CELF4: variants seen among roughly 807,000 people sequenced by gnomAD.
CELF4 encodes CUGBP Elav-like family member 4.
CELF4 carries 18 observed loss-of-function variants against 59.9 expected under a neutral mutation model. The ratio of observed to expected loss-of-function variants is 0.30; its 90% confidence interval spans 0.21 to 0.45. The LOEUF (loss-of-function observed/expected upper bound fraction) is 0.45, where lower values mean the gene tolerates loss of function less well. Ranked by LOEUF, CELF4 falls within the 20% of genes least tolerant of loss-of-function variation. The pLI, the probability that CELF4 is intolerant of heterozygous loss-of-function variation, is 1.00. For missense variants in CELF4, 456 were observed against 689.0 expected (o/e 0.66, Z 3.79); for synonymous variants, 261 against 267.1 (o/e 0.98, Z 0.22).
rs564545629 is a variant in CELF4 at position 37,290,379 on chromosome 18, G to A, written c.449-15136C>T. On this transcript the variant is annotated intron_variant, in intron 3 of 12. Transcript: ENST00000420428. Reference sequence around the variant, plus strand: ...TAAAAATACAAATCCATTTAAAAGCGTTGCTGAATTCAAGGTGGAGTTTTG... The same window carrying A: ...TAAAAATACAAATCCATTTAAAAGCATTGCTGAATTCAAGGTGGAGTTTTG... 3.7e-4 allele frequency among the ~76,000 whole-genome samples: 57 copies of A among 152,300 alleles called. 1 individual carries two copies. The South Asian group carries it at 5.8e-3, about 15-fold the overall frequency.
intron 1 of CELF4, among the ~76,000 whole-genome samples, chr18:37,545,937 GGACACT>G (rs1364956139): frequency 7.2e-5 from 11 of 152,154 alleles, no homozygotes; most frequent in Non-Finnish European, 1.2e-4. Context: ...GGTCTCTGGA[GGACACT>G]GTCTGACTTA....
In CELF4 at chr18:37,270,264, C is replaced by T. The variant is rs548950358; in HGVS notation, c.1099+504G>A. 5.9e-5 allele frequency among the ~76,000 whole-genome samples: 9 copies of T among 152,262 alleles called. 1 individual carries two copies. Among genetic ancestry groups the T allele is most frequent in the Non-Finnish European group, 1.0e-4 (7 of 68,046 alleles). ...TGACCTGTCCATGGTGCTGATCACG[C>T]TTTGCGTGCACCATGATCGCGCTTT... On this transcript the variant is annotated intron_variant, in intron 8 of 12. Transcript: ENST00000420428.
In CELF4 at chr18:37,246,295, AAAT is replaced by A. The variant is rs1480302586; in HGVS notation, c.*45-1101_*45-1099del. ...GTCTAAACAATTACAACACCAAATA[AAAT>A]AATAATAAAATTAAAAAACACTTGT... On this transcript the variant is annotated intron_variant, in intron 12 of 12. Transcript: ENST00000420428. The surrounding 1 kb of genome is among the most constrained non-coding windows in gnomAD (Gnocchi z 5.3). Among the ~76,000 whole-genome samples, 1 of 152,174 alleles carries A rather than the reference AAAT, an allele frequency of 6.6e-6. No homozygotes were observed. The highest frequency in any genetic ancestry group is 1.5e-5 in the Non-Finnish European group (1 of 68,004).
chr18:37,399,859 T>C (rs1329183983), intron 2 of CELF4, among the ~76,000 whole-genome samples: 1 of 152,188 alleles, frequency 6.6e-6, no homozygotes, highest in Non-Finnish European at 1.5e-5. Context: ...GCACATCCTT[T>C]CCAGGGTCTG....
chr18:37,495,688 A>G (rs1320696487), intron 1 of CELF4, among the ~76,000 whole-genome samples: 1 of 151,874 alleles, frequency 6.6e-6, no homozygotes, highest in African/African-American at 2.4e-5. Context: ...GGTGGGGGTC[A>G]TTTTTCACAG....
At chr18:37,274,581 G>T (rs763166975) in intron 5 of CELF4, 127 bp from the exon 6 acceptor site, 1 of 1,576,686 alleles carries the variant, frequency 6.3e-7, no homozygotes, top group African/African-American at 1.4e-5. Flanking sequence ...ATCGGCGCTC[G>T]CCCAGGGGAA....
intron 2 of CELF4, among the ~76,000 whole-genome samples, chr18:37,478,522 C>G (rs1398052391): frequency 6.6e-6 from 1 of 152,068 alleles, no homozygotes; most frequent in African/African-American, 2.4e-5. Flanking sequence ...GAGTCACTTG[C>G]TTGAAAAATG....
At chr18:37,427,043 G>A (rs998042828) in intron 2 of CELF4, among the ~76,000 whole-genome samples, 8 of 151,944 alleles carry the variant, frequency 5.3e-5, no homozygotes, top group East Asian at 1.9e-4. Flanking sequence ...GACACGGGGG[G>A]GGGGGAAGCT....
intron 2 of CELF4, among the ~76,000 whole-genome samples, chr18:37,348,287 C>T (rs533687295): frequency 1.1e-4 from 16 of 152,300 alleles, no homozygotes; most frequent in Non-Finnish European, 2.1e-4. Context: ...AGGAGCTACA[C>T]GCACACACTA....
At chr18:37,408,517 T>A (rs2099408126) in intron 2 of CELF4, among the ~76,000 whole-genome samples, 1 of 137,728 alleles carries the variant, frequency 7.3e-6, no homozygotes, top group Non-Finnish European at 1.6e-5. Flanking sequence ...TGCAGGAGGA[T>A]GTGAGAGGAG....
intron 11 of CELF4, among the ~76,000 whole-genome samples, chr18:37,256,903 C>T (rs969141160): frequency 2.0e-5 from 3 of 152,168 alleles, no homozygotes; most frequent in African/African-American, 7.2e-5. Context: ...ACTTTAAAGG[C>T]CTCTGGGATA....
At chr18:37,280,895 T>C (rs1662917) in intron 3 of CELF4, among the ~76,000 whole-genome samples, 121,578 of 152,192 alleles carry the variant, frequency 0.8, 48,996 homozygotes, top group African/African-American at 0.92. Context: ...ACTCTGAGCT[T>C]TGGTTCACAA....
At chr18:37,454,951 C>A (rs1184542571) in intron 2 of CELF4, among the ~76,000 whole-genome samples, 2 of 152,190 alleles carry the variant, frequency 1.3e-5, no homozygotes, top group Non-Finnish European at 2.9e-5. Context: ...GGGTCCCTAT[C>A]CCTAGAGTCA....
intron 2 of CELF4, among the ~76,000 whole-genome samples, chr18:37,380,781 ATT>A (rs2099029130): frequency 6.9e-6 from 1 of 145,610 alleles, no homozygotes; most frequent in African/African-American, 2.6e-5. Context: ...CCTTCTATCC[ATT>A]TCTCCATGAA....
intron 2 of CELF4, among the ~76,000 whole-genome samples, chr18:37,426,139 G>A (rs1054408579): frequency 2.0e-5 from 3 of 152,218 alleles, no homozygotes; most frequent in Admixed American, 6.5e-5. Flanking sequence ...GGTTCCAGCT[G>A]GACCTGCCCC....
rs771870803 is a variant in CELF4, at chr18:37,274,499, C to T, written c.658-45G>A. Reference sequence around the variant, plus strand: ...TGAGACCCACCTGCTCCAGAGCCTCCGCCCGCAGCTGTCGGTGCCTCTGGC... The same window carrying T: ...TGAGACCCACCTGCTCCAGAGCCTCTGCCCGCAGCTGTCGGTGCCTCTGGC... On this transcript the variant is annotated intron_variant, in intron 5 of 12. Coordinates refer to ENST00000420428, the MANE Select transcript of CELF4 (RefSeq NM_020180.4). 6 of 1,608,928 alleles carry T rather than the reference C, an allele frequency of 3.7e-6. No individual in the cohort carries two copies. The East Asian group carries it at 1.1e-4, about 30-fold the overall frequency.
intron 1 of CELF4, among the ~76,000 whole-genome samples, chr18:37,527,460 T>C (rs1332255819): frequency 6.6e-6 from 1 of 152,168 alleles, no homozygotes; most frequent in Non-Finnish European, 1.5e-5. Context: ...AATCAAGGTT[T>C]ACGTGTAGTA....
chr18:37,468,068 A>T (rs2099813084), intron 2 of CELF4, among the ~76,000 whole-genome samples: 1 of 152,222 alleles, frequency 6.6e-6, no homozygotes, highest in Non-Finnish European at 1.5e-5. Flanking sequence ...CATATTCTAC[A>T]TGGGCCTTTG....
Position 37,353,233 on chromosome 18 carries a change from A to ATATATAT in CELF4, c.370-31353_370-31352insATATATA, listed in dbSNP as rs1557327922. 5.4e-3 allele frequency among the ~76,000 whole-genome samples: 575 copies of ATATATAT among 106,926 alleles called. 1 individual carries two copies. The highest frequency in any genetic ancestry group is 9.9e-3 in the African/African-American group (278 of 28,150). 70.1% of individuals were successfully genotyped at this position (106,926 alleles called of 152,430 possible). A position where few individuals can be genotyped will look rare whatever the true frequency, so the allele number is the denominator to read the frequency against. ...GAGACTCCGTCTCAAAAAAAAAAAA[A>ATATATAT]ATATATATATATATATACATAAAAG... On this transcript the variant is annotated intron_variant, in intron 2 of 12. Transcript: ENST00000420428.
Sources: allele counts gnomAD v4.1 joint callset (sites outside exome capture counted in the v4.1 genomes callset), GRCh38; gene constraint gnomAD v4.1.1; non-coding constraint Gnocchi (gnomAD v3.1); transcripts MANE v1.5; gene names NCBI Gene and HGNC (gene_info 2026-07-23, HGNC 2026-07-21).